GALNTL6: variants seen among roughly 807,000 people sequenced by gnomAD.
GALNTL6 encodes the protein polypeptide N-acetylgalactosaminyltransferase like 6.
In GALNTL6, 46 loss-of-function variants were observed where a neutral mutation model predicts 73.7. The observed-to-expected ratio is 0.62, with a 90% CI of 0.49 to 0.80. The LOEUF is 0.80. Among genes scored for constraint, GALNTL6 ranks in the 30% least tolerant of loss-of-function variants. The pLI, the probability that GALNTL6 is intolerant of heterozygous loss-of-function variation, is 0.00. For missense variants in GALNTL6, 604 were observed against 755.0 expected, an observed-to-expected ratio of 0.80 and a Z score of 2.34; for synonymous variants, 259 against 263.7, an observed-to-expected ratio of 0.98 and a Z score of 0.17.
At chr4:172,634,872 C>T (rs1739591122) in intron 5 of GALNTL6, among the ~76,000 whole-genome samples, 1 of 152,068 alleles carries the variant, frequency 6.6e-6, no homozygotes, top group African/African-American at 2.4e-5. Context: ...AATGCAATAA[C>T]AGAGATATAT....
chr4:172,043,023 T>G (rs894250320), intron 2 of GALNTL6, among the ~76,000 whole-genome samples: 3 of 152,020 alleles, frequency 2.0e-5, no homozygotes, highest in Non-Finnish European at 2.9e-5. Context: ...AGTCACCGTC[T>G]TTGTTGGTCA....
chr4:172,264,584 ATATAT>A (rs1271804403), intron 3 of GALNTL6, among the ~76,000 whole-genome samples: 2 of 89,574 alleles, frequency 2.2e-5, no homozygotes, highest in African/African-American at 8.9e-5. Flanking sequence ...ATATATATAT[ATATAT>A]ATATTTGGCA....
At chr4:172,966,723 T>C (rs1750346551) in intron 10 of GALNTL6, among the ~76,000 whole-genome samples, 1 of 152,230 alleles carries the variant, frequency 6.6e-6, no homozygotes. Context: ...AATGCCAGTA[T>C]GCATTATTGG....
intron 2 of GALNTL6, among the ~76,000 whole-genome samples, chr4:171,905,625 G>C (rs974244345): frequency 1.1e-4 from 17 of 150,046 alleles, no homozygotes; most frequent in African/African-American, 4.0e-4. Context: ...ATTGAACTCA[G>C]CTCTGCACCA....
At chr4:172,566,353 A>G (rs1277173463) in intron 5 of GALNTL6, among the ~76,000 whole-genome samples, 2 of 152,202 alleles carry the variant, frequency 1.3e-5, no homozygotes, top group East Asian at 1.9e-4. Flanking sequence ...TTCAGACCAC[A>G]TTGGAATGAA....
At chr4:172,427,982 A>T (rs1411396377) in intron 5 of GALNTL6, among the ~76,000 whole-genome samples, 2 of 152,168 alleles carry the variant, frequency 1.3e-5, no homozygotes, top group African/African-American at 4.8e-5. Context: ...TGGAGGGTAG[A>T]ACTAATTTAC....
intron 8 of GALNTL6, among the ~76,000 whole-genome samples, chr4:172,904,390 C>T (rs796827165): frequency 9.8e-5 from 15 of 152,290 alleles, no homozygotes; most frequent in African/African-American, 3.4e-4. Flanking sequence ...ACAGGAAAAG[C>T]GTCTGTAGCA....
At chr4:172,771,906 T>C (rs1036285722) in intron 5 of GALNTL6, among the ~76,000 whole-genome samples, 1 of 152,106 alleles carries the variant, frequency 6.6e-6, no homozygotes, top group Admixed American at 6.6e-5. Context: ...GAACATTCAA[T>C]ACAATTTGTA....
intron 2 of GALNTL6, among the ~76,000 whole-genome samples, chr4:172,133,225 T>C (rs1733547722): frequency 6.6e-6 from 1 of 152,200 alleles, no homozygotes; most frequent in African/African-American, 2.4e-5. Context: ...CTCCCTTAAG[T>C]ATGTGGCTAA....
At chr4:171,972,252 A>G (rs1480530026) in intron 2 of GALNTL6, among the ~76,000 whole-genome samples, 1 of 152,204 alleles carries the variant, frequency 6.6e-6, no homozygotes, top group East Asian at 1.9e-4. Flanking sequence ...ATTTAAAACT[A>G]CTAATGTATT....
At chr4:172,513,614 C>T (rs1037155819) in intron 5 of GALNTL6, among the ~76,000 whole-genome samples, 17 of 152,076 alleles carry the variant, frequency 1.1e-4, no homozygotes, top group African/African-American at 3.9e-4. Flanking sequence ...AGGGTACTCC[C>T]TTGATGTGGT....
At chr4:172,439,617 T>C in intron 5 of GALNTL6, among the ~76,000 whole-genome samples, 1 of 151,852 alleles carries the variant, frequency 6.6e-6, no homozygotes, top group East Asian at 1.9e-4. Flanking sequence ...AACTCAATGA[T>C]TCCAAAATTT....
intron 2 of GALNTL6, among the ~76,000 whole-genome samples, chr4:171,893,315 A>G (rs1460582247): frequency 6.6e-6 from 1 of 151,954 alleles, no homozygotes; most frequent in African/African-American, 2.4e-5. Flanking sequence ...GTCTCCTTAG[A>G]ACCTCAAAAC....
At chr4:172,028,272 T>C (rs1282537977) in intron 2 of GALNTL6, among the ~76,000 whole-genome samples, 2 of 151,242 alleles carry the variant, frequency 1.3e-5, no homozygotes, top group South Asian at 4.2e-4. Context: ...CAATTTATTG[T>C]GGTAGTGCGA....
chr4:172,699,620 A>G (rs1371054468), intron 5 of GALNTL6, among the ~76,000 whole-genome samples: 1 of 152,214 alleles, frequency 6.6e-6, no homozygotes, highest in Admixed American at 6.5e-5. Context: ...CAGAAATGCC[A>G]TAACCTCAAA....
chr4:171,864,841 G>A (rs1046383788), intron 2 of GALNTL6, among the ~76,000 whole-genome samples: 7 of 151,906 alleles, frequency 4.6e-5, no homozygotes, highest in Admixed American at 1.3e-4. Context: ...TAATTATGCT[G>A]AAAAAAATAT....
intron 5 of GALNTL6, among the ~76,000 whole-genome samples, chr4:172,358,770 A>T (rs1355490711): frequency 6.6e-6 from 1 of 151,902 alleles, no homozygotes; most frequent in Non-Finnish European, 1.5e-5. Context: ...TATACATAGA[A>T]AAAGGCAAAT....
chr4:171,849,700 T>C (rs917472139), intron 2 of GALNTL6, among the ~76,000 whole-genome samples: 1 of 152,136 alleles, frequency 6.6e-6, no homozygotes, highest in Non-Finnish European at 1.5e-5. Context: ...TTACAAGATA[T>C]AGGAATTTGG....
At chr4:172,843,421 G>A (rs1743325624) in intron 7 of GALNTL6, among the ~76,000 whole-genome samples, 1 of 152,180 alleles carries the variant, frequency 6.6e-6, no homozygotes, top group African/African-American at 2.4e-5. Context: ...ACAAACCCTG[G>A]AAAGCGTTGC....
Sources: allele counts gnomAD v4.1 joint callset (sites outside exome capture counted in the v4.1 genomes callset), GRCh38; gene constraint gnomAD v4.1.1; transcripts MANE v1.5; gene names NCBI Gene and HGNC (gene_info 2026-07-23, HGNC 2026-07-21).